Variants in EPHA10 observed in about 807,000 individuals in gnomAD.
EPHA10 encodes the protein ephrin type-A receptor 10.
Under a neutral mutation model 109.7 loss-of-function variants are expected in EPHA10, and 120 were observed. The observed-to-expected ratio is 1.09, with a 90% confidence interval of 0.94 to 1.27. The LOEUF is 1.27. Among genes scored for constraint, EPHA10 ranks in the 50% most tolerant of loss-of-function variants. The pLI, the probability that EPHA10 is intolerant of heterozygous loss-of-function variation, is 0.00. For missense variants in EPHA10, 1,396 were observed against 1,411.1 expected, an observed-to-expected ratio of 0.99 and a Z score of 0.17; for synonymous variants, 640 against 618.9, an observed-to-expected ratio of 1.03 and a Z score of -0.51.
Position 37,723,062 on chromosome 1 carries a change from G to T in EPHA10, c.1939C>A (p.Leu647Met). 6.2e-7 allele frequency: 1 copy of T among 1,614,204 alleles called. No individual in the cohort carries two copies. The highest frequency in any genetic ancestry group is 1.1e-5 in the South Asian group (1 of 91,084). The part of the protein sequence containing the change: ...AKELDAKSVT[L>M]ERSLGGGRFG... ...TTGCCTCCTCCAAGGCTCCTCTCCA[G>T]CGTGACGCTTTTCGCATCCAGTTCC... The change falls in exon 10 of 17, where the codon CTG (leucine) becomes ATG (methionine). Residue 647 changes from leucine (L) to methionine (M), a missense_variant. By Grantham distance (15) the Leu-to-Met change is conservative. Coordinates refer to ENST00000373048, the MANE Select transcript of EPHA10 (RefSeq NM_001099439.2).
At chr1:37,721,255 TAA>T (rs71732142) in intron 11 of EPHA10, among the ~76,000 whole-genome samples, 4 of 113,544 alleles carry the variant, frequency 3.5e-5, no homozygotes, top group African/African-American at 3.3e-5. Flanking sequence ...CCGTCTCTAC[TAA>T]AAAAAAAAAA....
At chr1:37,758,250 A>AT (rs1369379209) in intron 3 of EPHA10, among the ~76,000 whole-genome samples, 4 of 152,230 alleles carry the variant, frequency 2.6e-5, no homozygotes, top group East Asian at 3.9e-4. Flanking sequence ...CGGGATGGGG[A>AT]TCCCCCCCAT....
intron 5 of EPHA10, among the ~76,000 whole-genome samples, chr1:37,747,332 C>T (rs941213308): frequency 6.6e-6 from 1 of 152,118 alleles, no homozygotes; most frequent in South Asian, 2.1e-4. Flanking sequence ...AGGTAGATTG[C>T]TTGAGTCCAG....
At chr1:37,751,620 T>C (rs750970176) in intron 5 of EPHA10, among the ~76,000 whole-genome samples, 25 of 150,220 alleles carry the variant, frequency 1.7e-4, no homozygotes, top group Admixed American at 9.3e-4. Flanking sequence ...ACGTCTGTAA[T>C]CCCAGCACTT....
chr1:37,755,773 T>C (rs1646388363), intron 3 of EPHA10, among the ~76,000 whole-genome samples: 1 of 152,212 alleles, frequency 6.6e-6, no homozygotes, highest in African/African-American at 2.4e-5. Context: ...AAGTGGTAAC[T>C]GCTAAACACC....
At chr1:37,758,076 C>T (rs958292663) in intron 3 of EPHA10, among the ~76,000 whole-genome samples, 6 of 152,100 alleles carry the variant, frequency 3.9e-5, no homozygotes, top group African/African-American at 1.2e-4. Flanking sequence ...GGTAGTGAAG[C>T]AGTAAAAAGT....
intron 7 of EPHA10, among the ~76,000 whole-genome samples, chr1:37,727,675 A>C (rs1193702231): frequency 1.3e-5 from 2 of 152,216 alleles, no homozygotes; most frequent in East Asian, 3.8e-4. Flanking sequence ...TTTCATCTTC[A>C]CAATAATCCA....
chr1:37,732,237 A>G (rs947211560), intron 6 of EPHA10, among the ~76,000 whole-genome samples: 4 of 151,908 alleles, frequency 2.6e-5, no homozygotes, highest in African/African-American at 7.3e-5. Flanking sequence ...TGGAGTCAGC[A>G]TTTCCATCTC....
In EPHA10 at chr1:37,753,027, C is replaced by G; in HGVS notation, c.1206G>C (p.Gln402His). The change falls in exon 5 of 17, where the codon CAG (glutamine) becomes CAC (histidine). Residue 402 changes from glutamine (Q) to histidine (H), a missense_variant. By Grantham distance (24) the Gln-to-His change is conservative. Transcript: ENST00000373048. ...TGGCGGCTCGCTCCCGCAGCCCTGC[C>G]TGGCGCGGTAGGAAGGCCACGCGCG... ...CGPRVAFLPRQAGLRERAATL... is the reference protein window; with the variant it reads ...CGPRVAFLPRHAGLRERAATL... The G allele has an allele frequency of 8.1e-7, 1 of 1,233,356 alleles. No individual in the cohort carries two copies. Among genetic ancestry groups the G allele is most frequent in the Non-Finnish European group, 1.0e-6 (1 of 990,150 alleles). 76.4% of individuals were successfully genotyped at this position (1,233,356 alleles called of 1,614,324 possible). A position where few individuals can be genotyped will look rare whatever the true frequency, so the allele number is the denominator to read the frequency against.
intron 8 of EPHA10, among the ~76,000 whole-genome samples, chr1:37,726,738 T>G (rs1409585358): frequency 2.0e-5 from 3 of 152,238 alleles, no homozygotes; most frequent in Non-Finnish European, 4.4e-5. Flanking sequence ...TTTCCTGTGT[T>G]CGAGGGCCTC....
At chr1:37,727,670 T>C (rs1034632446) in intron 7 of EPHA10, among the ~76,000 whole-genome samples, 1 of 152,244 alleles carries the variant, frequency 6.6e-6, no homozygotes, top group African/African-American at 2.4e-5. Context: ...TCTTGTTTCA[T>C]CTTCACAATA....
chr1:37,761,941 A>G lies in EPHA10; in HGVS notation c.314T>C (p.Leu105Pro), dbSNP rs1646436731. Residue 105 changes from leucine (L) to proline (P), a missense_variant, in exon 3 of 17, where the codon CTG becomes CCG. Leu to Pro is a moderately conservative substitution (Grantham distance 98). Coordinates refer to ENST00000373048, the MANE Select transcript of EPHA10 (RefSeq NM_001099439.2). Reference protein sequence around the residue: ...RGRGQRIFVELQFTLRDCSSI... With the variant: ...RGRGQRIFVEPQFTLRDCSSI... ...GCTGCAGTCACGGAGTGTGAACTGC[A>G]GTTCCACGAAGATGCGCTGCCCGCG... is the stretch of plus-strand genomic sequence containing the variant. 6.2e-7 allele frequency: 1 copy of G among 1,613,990 alleles called. No homozygotes were observed. Among genetic ancestry groups the G allele is most frequent in the Non-Finnish European group, 8.5e-7 (1 of 1,180,002 alleles).
rs7538914 is a variant in EPHA10, at chr1:37,725,832, A to G, written c.1772+1270T>C. Among the ~76,000 whole-genome samples the G allele has an allele frequency of 5.4e-3, 816 of 152,262 alleles. 6 individuals carry two copies. The highest frequency in any genetic ancestry group is 0.018 in the African/African-American group (756 of 41,542). ...GTGAGAAGTGGGCAAGCTAGGGTGG[A>G]CTGGAGAGGAGGGAAATTGGAGGTG... On this transcript the variant is annotated intron_variant, in intron 8 of 16. Transcript: ENST00000373048.
chr1:37,732,960 C>T (rs1019912231), intron 6 of EPHA10, among the ~76,000 whole-genome samples: 5 of 128,104 alleles, frequency 3.9e-5, no homozygotes, highest in East Asian at 2.6e-4. Flanking sequence ...GGTGCAATCT[C>T]GGCTCACTGC....
At chr1:37,760,485 G>C in intron 3 of EPHA10, 1 of 1,045,656 alleles carries the variant, frequency 9.6e-7, no homozygotes, top group Non-Finnish European at 1.2e-6. Flanking sequence ...TGTGATCTTC[G>C]TAATCATCTA....
Position 37,718,152 on chromosome 1 carries a change from T to A in EPHA10, c.*220A>T. 1 of 552,794 alleles carries A rather than the reference T, an allele frequency of 1.8e-6. No homozygotes were observed. The highest frequency in any genetic ancestry group is 2.5e-5 in the South Asian group (1 of 40,098). The allele number at this position is 552,794 out of a possible 1,614,324, so 34.2% of individuals were successfully genotyped here. ...GGGGTCCTCCCTAGGGATTTGAACC[T>A]CTTTTCAGGGGCACTGAGTTAGCCA... On this transcript the variant is annotated 3_prime_UTR_variant, in exon 17 of 17. Transcript: ENST00000373048.
At chr1:37,727,261 C>A in intron 7 of EPHA10, 51 bp from the exon 8 acceptor site, 1 of 1,486,410 alleles carries the variant, frequency 6.7e-7, no homozygotes, top group Non-Finnish European at 9.1e-7. Flanking sequence ...GGCTCCTAGG[C>A]AAGCCCCAGG....
At chr1:37,729,973 G>C (rs1046533651) in intron 7 of EPHA10, among the ~76,000 whole-genome samples, 1 of 152,014 alleles carries the variant, frequency 6.6e-6, no homozygotes, top group Admixed American at 6.6e-5. Context: ...GGAGACTGGG[G>C]ATCTCAGCAG....
chr1:37,759,673 C>T (rs1646416015), intron 3 of EPHA10, among the ~76,000 whole-genome samples: 1 of 152,132 alleles, frequency 6.6e-6, no homozygotes, highest in South Asian at 2.1e-4. Flanking sequence ...GTCCCACCTA[C>T]TCAGGAGGCT....
Sources: gnomAD v4.1 joint callset for allele counts (sites outside exome capture counted in the v4.1 genomes callset) on GRCh38, gnomAD v4.1.1 for gene constraint, MANE v1.5 for transcripts, NCBI Gene and HGNC (gene_info 2026-07-23, HGNC 2026-07-21) for gene names.